Variants in KIF7 observed in about 807,000 individuals in gnomAD.
KIF7 encodes the protein kinesin family member 7.
KIF7 carries 104 observed loss-of-function variants against 135.7 expected under a neutral mutation model. That is an observed-to-expected ratio of 0.77 (90% CI 0.65 to 0.90). KIF7 has a LOEUF of 0.90. Among genes scored for constraint, KIF7 ranks in the 40% least tolerant of loss-of-function variants. KIF7 has a pLI of 0.00. For missense variants in KIF7, 2,005 were observed against 1,839.1 expected, an observed-to-expected ratio of 1.09 and a Z score of -1.65; for synonymous variants, 883 against 809.4, an observed-to-expected ratio of 1.09 and a Z score of -1.54.
downstream of KIF7, chr15:89,624,875 C>G: frequency 6.2e-7 from 1 of 1,613,986 alleles, no homozygotes; most frequent in Non-Finnish European, 8.5e-7. Context: ...CTGATGCCTT[C>G]CCGTGACGTG....
At chr15:89,637,152 C>A (rs375330696) in intron 11 of KIF7, among the ~76,000 whole-genome samples, 1 of 117,186 alleles carries the variant, frequency 8.5e-6, no homozygotes, top group Non-Finnish European at 1.8e-5. Flanking sequence ...ACACAACATA[C>A]CAGAATCTCT....
At chr15:89,661,796 A>G in the KIF7 span, among the ~76,000 whole-genome samples, 2 of 151,136 alleles carry the variant, frequency 1.3e-5, no homozygotes, top group Non-Finnish European at 1.5e-5. Flanking sequence ...ATCTTGGCTC[A>G]CTGCAACCTC....
intron 1 of KIF7, among the ~76,000 whole-genome samples, chr15:89,654,868 C>T (rs945185926): frequency 2.6e-5 from 4 of 152,262 alleles, no homozygotes; most frequent in Non-Finnish European, 5.9e-5. Flanking sequence ...CTATTGGGCT[C>T]CCGACCCTGG....
downstream of KIF7, chr15:89,626,817 T>C: frequency 6.6e-6 from 6 of 910,380 alleles, no homozygotes; most frequent in Non-Finnish European, 8.4e-6. Flanking sequence ...GTACCATTTC[T>C]GTAGGATAAG....
chr15:89,633,810 T>C lies in KIF7; in HGVS notation c.2468A>G (p.Glu823Gly), dbSNP rs757284705. Reference protein sequence around the residue: ...LSAQSEKRLQELERNVQLMRQ... With the variant: ...LSAQSEKRLQGLERNVQLMRQ... ...CATGAGCTGCACGTTCCGCTCGAGC[T>C]CCTGCAGTCGCTTCTCACTCTGGGC... is the stretch of plus-strand genomic sequence containing the variant. The change falls in exon 12 of 19, where the codon GAG becomes GGG. Residue 823 changes from glutamate (E) to glycine (G), a missense_variant. Physicochemically the swap from Glu to Gly is moderately conservative, Grantham distance 98 (BLOSUM62 -2). Coordinates refer to ENST00000394412, the MANE Select transcript of KIF7 (RefSeq NM_198525.3). 6.2e-7 allele frequency: 1 copy of C among 1,613,022 alleles called. No individual in the cohort carries two copies. Among genetic ancestry groups the C allele is most frequent in the East Asian group, 2.2e-5 (1 of 44,874 alleles).
chr15:89,649,907 C>T lies in KIF7; in HGVS notation c.363G>A (p.Pro121=), dbSNP rs772701177. 6.8e-5 allele frequency: 105 copies of T among 1,551,524 alleles called. No homozygotes were observed. Among genetic ancestry groups the T allele is most frequent in the Non-Finnish European group, 7.0e-5 (80 of 1,146,996 alleles). The change falls in exon 3 of 19, where the codon CCG becomes CCA. Residue 121 remains proline (P), a synonymous_variant. Coordinates refer to ENST00000394412, the MANE Select transcript of KIF7 (RefSeq NM_198525.3). ...GCTTGAAGGCCTCGGCCATGGCCCT[C>T]GGGACAATGCCCTGCTCATCCTCAA... is the stretch of plus-strand genomic sequence containing the variant. ...SLLEDEQGIV[P]RAMAEAFKLI...
downstream of KIF7, among the ~76,000 whole-genome samples, chr15:89,626,339 G>A (rs1332267385): frequency 6.6e-6 from 1 of 152,230 alleles, no homozygotes; most frequent in African/African-American, 2.4e-5. Context: ...CTCATCTGCA[G>A]TCTAAGAATC....
chr15:89,629,823 G>A, intron 16 of KIF7: 1 of 584,044 alleles, frequency 1.7e-6, no homozygotes, highest in Non-Finnish European at 3.0e-6. Flanking sequence ...ACACTATGGA[G>A]CTGGGCAGAG....
upstream of KIF7, among the ~76,000 whole-genome samples, chr15:89,656,554 C>A (rs1346410317): frequency 6.6e-6 from 1 of 152,098 alleles, no homozygotes; most frequent in Non-Finnish European, 1.5e-5. Context: ...GATTGGCTTG[C>A]AATACCAGTG....
At chr15:89,631,389 G>C (rs141362318) in intron 15 of KIF7, 106 bp downstream of exon 15, 2 of 1,064,964 alleles carry the variant, frequency 1.9e-6, no homozygotes, top group Non-Finnish European at 1.3e-6. Context: ...TGGGTCTGCC[G>C]ACAGCAAGGC....
chr15:89,649,690 G>A, intron 3 of KIF7, 51 bp downstream of exon 3: 1 of 1,528,794 alleles, frequency 6.5e-7, no homozygotes, highest in East Asian at 2.5e-5. Context: ...CCAAACAGGT[G>A]AAGCCCCCCT....
chr15:89,625,461 G>A (rs546545533), downstream of KIF7: 26 of 1,613,982 alleles, frequency 1.6e-5, no homozygotes, highest in African/African-American at 3.1e-4. Flanking sequence ...CACTGCTTGA[G>A]TCAGAGGGCA....
rs745932098 is a variant in KIF7 at position 89,642,380 on chromosome 15, G to A, written c.2217C>T (p.Arg739=). The A allele has an allele frequency of 1.2e-6, 2 of 1,605,550 alleles. No homozygotes were observed. Among genetic ancestry groups the A allele is most frequent in the Non-Finnish European group, 1.7e-6 (2 of 1,176,864 alleles). ...RTGKAAQALN[R]QHSQRIRELE... is the part of the protein sequence containing the mutation. ...GCTCCCGGATACGCTGGCTGTGCTG[G>A]CGGTTCAGGGCCTGAGCTGCCTTTC... The change falls in exon 11 of 19, where the codon CGC becomes CGT. Residue 739 remains arginine, a synonymous_variant. Coordinates refer to ENST00000394412, the MANE Select transcript of KIF7 (RefSeq NM_198525.3).
intron 2 of KIF7, among the ~76,000 whole-genome samples, chr15:89,651,717 AT>A (rs1017558526): frequency 2.0e-5 from 3 of 152,050 alleles, no homozygotes; most frequent in Non-Finnish European, 4.4e-5. Context: ...TATTTTCCTA[AT>A]TTTTTTTACA....
intron 10 of KIF7, among the ~76,000 whole-genome samples, chr15:89,644,310 C>A (rs1273318269): frequency 2.0e-5 from 3 of 152,322 alleles, no homozygotes; most frequent in African/African-American, 7.2e-5. Flanking sequence ...CCATGACACT[C>A]ACTGTGTGCT....
rs146160941 is a variant in KIF7, at chr15:89,631,800, G to A, written c.2896-90C>T. On this transcript the variant is annotated intron_variant, in intron 14 of 18. Transcript: ENST00000394412. ...GGGCCGGATGTTAAGGAGGACTTGC[G>A]TCCTTCCCTCAAGAAACCAACACTC... 506 of 1,146,416 alleles carry A rather than the reference G, an allele frequency of 4.4e-4. 1 individual carries two copies. The African/African-American group carries it at 4.8e-3, about 11-fold the overall frequency. The allele number at this position is 1,146,416 out of a possible 1,614,324, so 71.0% of individuals were successfully genotyped here. A position where few individuals can be genotyped will look rare whatever the true frequency, so the allele number is the denominator to read the frequency against.
chr15:89,654,033 GGA>G (rs1964167415), intron 1 of KIF7, among the ~76,000 whole-genome samples: 2 of 151,414 alleles, frequency 1.3e-5, no homozygotes, highest in African/African-American at 4.9e-5. Flanking sequence ...TATTTGAGAC[GGA>G]GTCTTGCTCT....
chr15:89,629,083 T>TA lies in KIF7; in HGVS notation c.3556dup (p.Tyr1186LeufsTer2). 6.2e-7 allele frequency: 1 copy of TA among 1,612,922 alleles called. No individual in the cohort carries two copies. Among genetic ancestry groups the TA allele is most frequent in the Non-Finnish European group, 8.5e-7 (1 of 1,179,844 alleles). On this transcript the variant is annotated frameshift_variant, in exon 18 of 19. Transcript: ENST00000394412. LOFTEE classifies it high-confidence loss of function. ...CTCCAGAGCTTGAATCCGGGCCTCA[T>TA]ACTGCCTCCTGCTGTCTGCTAACCC...
At position 89,646,994 on chromosome 15, in the gene KIF7, G is replaced by T. The variant is rs935745017; in HGVS notation, c.1624C>A (p.Arg542=). Residue 542 remains arginine, a synonymous_variant, in exon 7 of 19, where the codon CGG becomes AGG. Transcript: ENST00000394412. ...AGCCGCGGGCCCCCCCAGCCTGGCC[G>T]CACCAGCTCTAACCGCAGCCGCAGT... ...VELRLRLELV[R]PGWGGPRLLN... The T allele has an allele frequency of 6.2e-7, 1 of 1,612,530 alleles. No homozygotes were observed. The highest frequency in any genetic ancestry group is 8.5e-7 in the Non-Finnish European group (1 of 1,179,514).
Sources: allele counts gnomAD v4.1 joint callset (sites outside exome capture counted in the v4.1 genomes callset), GRCh38; gene constraint gnomAD v4.1.1; transcripts MANE v1.5; gene names NCBI Gene and HGNC (gene_info 2026-07-23, HGNC 2026-07-21).